The following ZNHIT3 variants were observed in gnomAD, a reference collection of about 807,000 sequenced individuals.
ZNHIT3 encodes zinc finger HIT domain-containing protein 3.
Under a neutral mutation model 19.9 loss-of-function variants are expected in ZNHIT3, and 27 were observed. The observed-to-expected ratio is 1.36, with a 90% confidence interval of 1.00 to 1.87. ZNHIT3 has a LOEUF of 1.87. ZNHIT3 is among the 40% of genes most tolerant of loss of function. The pLI, the probability that ZNHIT3 is intolerant of heterozygous loss-of-function variation, is 0.00. For missense variants in ZNHIT3, 215 were observed against 185.6 expected (o/e 1.16, Z -0.92); for synonymous variants, 81 against 65.7 (o/e 1.23, Z -1.13).
intron 4 of ZNHIT3, among the ~76,000 whole-genome samples, chr17:36,494,893 T>C (rs1449631297): frequency 1.3e-5 from 2 of 152,240 alleles, no homozygotes; most frequent in Non-Finnish European, 2.9e-5. Context: ...AAGCATTTTT[T>C]TCTTAGCTGA....
In ZNHIT3 at chr17:36,495,419, C is replaced by G; in HGVS notation, c.*15C>G. On this transcript the variant is annotated 3_prime_UTR_variant, in exon 5 of 5. Transcript: ENST00000617429. ...AGGAGTCTTAAGATGGATTATTGTG[C>G]TGCTTGCTCAAGCGTGTGCTTGACT... 2 of 1,577,704 alleles carry G rather than the reference C, an allele frequency of 1.3e-6. No individual in the cohort carries two copies. The highest frequency in any genetic ancestry group is 1.7e-6 in the Non-Finnish European group (2 of 1,163,078).
chr17:36,498,018 A>T, downstream of ZNHIT3: 1 of 505,190 alleles, frequency 2.0e-6, no homozygotes, highest in Non-Finnish European at 3.5e-6. Context: ...TGGGACTAGA[A>T]GATTTAGAGA....
chr17:36,496,567 G>A (rs1439415712), downstream of ZNHIT3, among the ~76,000 whole-genome samples: 2 of 152,164 alleles, frequency 1.3e-5, no homozygotes, highest in Non-Finnish European at 2.9e-5. Context: ...CTCAGTGTGA[G>A]ACAGATGAGG....
intron 2 of ZNHIT3, chr17:36,489,191 C>T (rs2070666430): frequency 6.6e-6 from 1 of 152,134 alleles, no homozygotes; most frequent in Admixed American, 6.6e-5. Flanking sequence ...TTTCTTTATC[C>T]ATCTGTTGGT....
At chr17:36,490,485 G>C (rs1168792926) in intron 2 of ZNHIT3, 1 of 152,132 alleles carries the variant, frequency 6.6e-6, no homozygotes, top group Non-Finnish European at 1.5e-5. Context: ...AGATATTATA[G>C]CTTTGTAGTA....
At chr17:36,497,988 C>A, downstream of ZNHIT3, 1 of 446,932 alleles carries the variant, frequency 2.2e-6, no homozygotes, top group South Asian at 4.1e-5. Context: ...TTGCTAGAAA[C>A]GCAGCATTGC....
chr17:36,487,101 C>G (rs920836456), intron 2 of ZNHIT3, 135 bp downstream of exon 2: 3 of 1,209,068 alleles, frequency 2.5e-6, no homozygotes, highest in African/African-American at 1.6e-5. Context: ...CTGCAGGAAC[C>G]TTGCTTCCTC....
downstream of ZNHIT3, chr17:36,499,094 C>T (rs370380838): frequency 8.1e-6 from 13 of 1,609,704 alleles, no homozygotes; most frequent in African/African-American, 5.3e-5. Context: ...CTGCCATGCA[C>T]GCTTGATGAC....
rs2142563466 is a variant in ZNHIT3, at chr17:36,495,588, C to T, written c.*184C>T. ...TCATGTTTCAGGCAGACTTGGGGTC[C>T]TTAAGGTGGCAAGTCCTTTATGGAG... is the stretch of plus-strand genomic sequence containing the variant. On this transcript the variant is annotated 3_prime_UTR_variant, in exon 5 of 5. Coordinates refer to ENST00000617429, the MANE Select transcript of ZNHIT3 (RefSeq NM_004773.4). The T allele has an allele frequency of 1.5e-6, 2 of 1,299,460 alleles. No individual in the cohort carries two copies. The highest frequency in any genetic ancestry group is 2.9e-4 in the Middle Eastern group (1 of 3,466). 80.5% of individuals were successfully genotyped at this position (1,299,460 alleles called of 1,614,324 possible).
chr17:36,493,656 C>T (rs1350252802), intron 3 of ZNHIT3, among the ~76,000 whole-genome samples: 3 of 152,214 alleles, frequency 2.0e-5, no homozygotes, highest in Admixed American at 1.3e-4. Flanking sequence ...AGCCTAAAGA[C>T]CACAGGACCA....
At chr17:36,493,844 T>C in intron 3 of ZNHIT3, 82 bp from the exon 4 acceptor site, 2 of 946,404 alleles carry the variant, frequency 2.1e-6, no homozygotes, top group Non-Finnish European at 3.4e-6. Context: ...CACACATTTT[T>C]ATCCTGTTCA....
intron 2 of ZNHIT3, among the ~76,000 whole-genome samples, chr17:36,487,974 A>G (rs1263198167): frequency 6.8e-6 from 1 of 147,718 alleles, no homozygotes; most frequent in Non-Finnish European, 1.5e-5. Context: ...GGCCTGTGCC[A>G]GTGGTCCCAG....
Position 36,495,423 on chromosome 17 carries a change from T to C in ZNHIT3, c.*19T>C, listed in dbSNP as rs1481251903. The C allele has an allele frequency of 6.4e-7, 1 of 1,573,188 alleles. No homozygotes were observed. Among genetic ancestry groups the C allele is most frequent in the Non-Finnish European group, 8.6e-7 (1 of 1,160,706 alleles). Reference sequence around the variant, plus strand: ...GTCTTAAGATGGATTATTGTGCTGCTTGCTCAAGCGTGTGCTTGACTCCTG... The same window carrying C: ...GTCTTAAGATGGATTATTGTGCTGCCTGCTCAAGCGTGTGCTTGACTCCTG... On this transcript the variant is annotated 3_prime_UTR_variant, in exon 5 of 5. Coordinates refer to ENST00000617429, the MANE Select transcript of ZNHIT3 (RefSeq NM_004773.4).
At chr17:36,499,071 T>A (rs755426257), downstream of ZNHIT3, 1 of 1,604,174 alleles carries the variant, frequency 6.2e-7, no homozygotes, top group East Asian at 2.2e-5. Flanking sequence ...TGGGTCTTAC[T>A]TACTCTCCAC....
At chr17:36,493,892 AGC>A in intron 3 of ZNHIT3, 32 bp from the exon 4 acceptor site, 1 of 1,507,564 alleles carries the variant, frequency 6.6e-7, no homozygotes, top group Non-Finnish European at 9.2e-7. Flanking sequence ...CCTCCTTTTT[AGC>A]CATGAGCCAT....
At chr17:36,497,455 A>T (rs2071092414), downstream of ZNHIT3, among the ~76,000 whole-genome samples, 2 of 151,402 alleles carry the variant, frequency 1.3e-5, no homozygotes, top group African/African-American at 4.9e-5. Context: ...GAGGTAACAA[A>T]CTCCTCACAA....
chr17:36,487,589 T>G (rs1450313688), intron 2 of ZNHIT3, among the ~76,000 whole-genome samples: 2 of 150,646 alleles, frequency 1.3e-5, no homozygotes, highest in African/African-American at 4.9e-5. Flanking sequence ...AGCCCAGGAG[T>G]TCGAGACCAG....
At chr17:36,496,083 C>T (rs1322407662), downstream of ZNHIT3, 3 of 953,898 alleles carry the variant, frequency 3.1e-6, no homozygotes, top group African/African-American at 3.3e-5. Flanking sequence ...GAACCCCAGG[C>T]CCACTGACGC....
At chr17:36,494,067 A>AT in intron 4 of ZNHIT3, 61 bp downstream of exon 4, 2 of 1,392,856 alleles carry the variant, frequency 1.4e-6, no homozygotes, top group Non-Finnish European at 1.0e-6. Flanking sequence ...AAGGATTGTG[A>AT]TTTTTTAAAA....
Sources: gnomAD v4.1 joint callset for allele counts (sites outside exome capture counted in the v4.1 genomes callset) on GRCh38, gnomAD v4.1.1 for gene constraint, MANE v1.5 for transcripts, NCBI Gene and HGNC (gene_info 2026-07-23, HGNC 2026-07-21) for gene names.